The following RPS6KA2 variants were observed in gnomAD, a reference collection of about 807,000 sequenced individuals.
RPS6KA2 encodes the protein ribosomal protein S6 kinase alpha-2.
A neutral mutation model predicts 91.8 loss-of-function variants in RPS6KA2; 42 were observed. The observed-to-expected ratio is 0.46, with a 90% confidence interval of 0.36 to 0.59. The LOEUF is 0.59. RPS6KA2 is among the 20% of genes least tolerant of loss of function. RPS6KA2 has a pLI of 0.00. For missense variants in RPS6KA2, 798 were observed against 978.5 expected (o/e 0.82, Z 2.46); for synonymous variants, 414 against 393.6 (o/e 1.05, Z -0.61).
chr6:166,703,896 G>A (rs1399870522), intron 2 of RPS6KA2, among the ~76,000 whole-genome samples: 1 of 152,098 alleles, frequency 6.6e-6, no homozygotes, highest in Non-Finnish European at 1.5e-5. Context: ...ATATGAAATG[G>A]GACTTACAAT....
intron 2 of RPS6KA2, among the ~76,000 whole-genome samples, chr6:166,693,972 G>A (rs6456103): frequency 0.13 from 19,102 of 152,156 alleles, 2,143 homozygotes; most frequent in African/African-American, 0.3. Context: ...CTTAACGATA[G>A]TTCTCGCCAT....
intron 1 of RPS6KA2, among the ~76,000 whole-genome samples, chr6:166,588,761 C>G (rs1583305286): frequency 6.6e-6 from 1 of 152,338 alleles, no homozygotes; most frequent in East Asian, 1.9e-4. Flanking sequence ...TTCCCGGAAG[C>G]TCAGGGCCCG....
rs1162010961 is a variant in RPS6KA2 at position 166,554,337 on chromosome 6, C to A, written c.100-15553G>T. Among the ~76,000 whole-genome samples the A allele has an allele frequency of 2.6e-5, 4 of 152,216 alleles. No homozygotes were observed. The highest frequency in any genetic ancestry group is 9.6e-5 in the African/African-American group (4 of 41,456). ...TTTCAAGTCTTAAGACTAACATATTCCCAGACTGTCAGGCCAGTTTTATGA... is the reference window on the plus strand; with the variant it reads ...TTTCAAGTCTTAAGACTAACATATTACCAGACTGTCAGGCCAGTTTTATGA... On this transcript the variant is annotated intron_variant, in intron 1 of 20. Transcript: ENST00000265678. The surrounding 1 kb of genome is among the most constrained non-coding windows in gnomAD (Gnocchi z 4.3).
intron 10 of RPS6KA2, among the ~76,000 whole-genome samples, chr6:166,473,940 G>GTTTT (rs5881697): frequency 2.7e-5 from 3 of 112,096 alleles, no homozygotes; most frequent in Non-Finnish European, 3.7e-5. Context: ...TTGTTTAAAG[G>GTTTT]TTTTTTTTTT....
intron 2 of RPS6KA2, among the ~76,000 whole-genome samples, chr6:166,642,392 T>A (rs1787469833): frequency 6.6e-6 from 1 of 152,204 alleles, no homozygotes; most frequent in Non-Finnish European, 1.5e-5. Context: ...ATTGTGTGGG[T>A]AAAGCTAGAC....
At chr6:166,793,088 T>C (rs1394185012) in intron 2 of RPS6KA2, among the ~76,000 whole-genome samples, 5 of 152,082 alleles carry the variant, frequency 3.3e-5, no homozygotes, top group African/African-American at 1.2e-4. Flanking sequence ...GATGACATGA[T>C]TGTATATCTA....
intron 10 of RPS6KA2, among the ~76,000 whole-genome samples, chr6:166,470,191 C>A (rs893860447): frequency 2.0e-5 from 3 of 152,242 alleles, no homozygotes; most frequent in Admixed American, 2.0e-4. Context: ...GTGCTGCCTG[C>A]TGCATGTGAC....
At chr6:166,715,954 C>T (rs1323497099) in intron 2 of RPS6KA2, among the ~76,000 whole-genome samples, 1 of 144,866 alleles carries the variant, frequency 6.9e-6, no homozygotes, top group African/African-American at 2.5e-5. Flanking sequence ...AAAAGAATCG[C>T]TTGAGCCCTG....
chr6:166,643,817 T>A (rs544366127), intron 2 of RPS6KA2, among the ~76,000 whole-genome samples: 1 of 152,248 alleles, frequency 6.6e-6, no homozygotes, highest in Non-Finnish European at 1.5e-5. Context: ...GCTCTTAAGA[T>A]ACTAGGAATT....
chr6:166,655,381 G>A (rs961751309), intron 2 of RPS6KA2, among the ~76,000 whole-genome samples: 9 of 152,216 alleles, frequency 5.9e-5, no homozygotes, highest in East Asian at 1.9e-4. Flanking sequence ...ATTTGCACCC[G>A]GAGTCAGTGA....
intron 1 of RPS6KA2, among the ~76,000 whole-genome samples, chr6:166,541,387 A>T (rs1027038960): frequency 6.6e-6 from 1 of 152,150 alleles, no homozygotes; most frequent in African/African-American, 2.4e-5. Context: ...CTTTTTCTTC[A>T]GCAGCTCTTT....
intron 2 of RPS6KA2, among the ~76,000 whole-genome samples, chr6:166,650,299 A>C (rs1787811523): frequency 6.6e-6 from 1 of 152,102 alleles, no homozygotes; most frequent in Non-Finnish European, 1.5e-5. Flanking sequence ...ATTCTTATTC[A>C]TAGACATTGA....
chr6:166,472,088 A>C (rs1780793264), intron 10 of RPS6KA2, among the ~76,000 whole-genome samples: 1 of 152,160 alleles, frequency 6.6e-6, no homozygotes, highest in Non-Finnish European at 1.5e-5. Context: ...ACGATGATTA[A>C]CAGAAAGACC....
chr6:166,806,669 A>T (rs557927179), intron 2 of RPS6KA2, among the ~76,000 whole-genome samples: 112 of 152,342 alleles, frequency 7.4e-4, no homozygotes, highest in Non-Finnish European at 7.9e-4. Context: ...ACACTAGACA[A>T]TAACTAAAAG....
At chr6:166,791,886 A>C (rs1351698132) in intron 2 of RPS6KA2, among the ~76,000 whole-genome samples, 1 of 152,032 alleles carries the variant, frequency 6.6e-6, no homozygotes, top group Non-Finnish European at 1.5e-5. Flanking sequence ...GGAAATTTAT[A>C]GTACTAAATG....
chr6:166,663,938 C>T (rs1186882485), intron 2 of RPS6KA2, among the ~76,000 whole-genome samples: 1 of 152,234 alleles, frequency 6.6e-6, no homozygotes. Context: ...ACTCCACAAA[C>T]CACTTAGACT....
At chr6:166,560,948 T>C (rs1583280240) in intron 1 of RPS6KA2, among the ~76,000 whole-genome samples, 1 of 147,610 alleles carries the variant, frequency 6.8e-6, no homozygotes, top group Non-Finnish European at 1.5e-5. Context: ...TTTTTTTTTT[T>C]CCCTGAGACT....
intron 2 of RPS6KA2, among the ~76,000 whole-genome samples, chr6:166,754,726 C>T (rs1354880179): frequency 6.6e-6 from 1 of 152,180 alleles, no homozygotes; most frequent in African/African-American, 2.4e-5. Flanking sequence ...AATGTCAAAG[C>T]ATCAGATGCG....
rs1417676943 is a variant in RPS6KA2 at position 166,662,771 on chromosome 6, C to T, written c.124-123987G>A. ...CAAATTCATATGTTGAAGTCCTAAC[C>T]TCTGGTACTTAGACTGTGACTGTGT... On this transcript the variant is annotated intron_variant, in intron 2 of 21. Coordinates refer to the RPS6KA2 transcript ENST00000503859. The surrounding 1 kb of genome is among the most constrained non-coding windows in gnomAD (Gnocchi z 4.3). Among the ~76,000 whole-genome samples, 4 of 152,112 alleles carry T rather than the reference C, an allele frequency of 2.6e-5. No individual in the cohort carries two copies. The highest frequency in any genetic ancestry group is 6.6e-5 in the Admixed American group (1 of 15,258).
Sources: allele counts gnomAD v4.1 joint callset (sites outside exome capture counted in the v4.1 genomes callset), GRCh38; gene constraint gnomAD v4.1.1; non-coding constraint Gnocchi (gnomAD v3.1); transcripts MANE v1.5; gene names NCBI Gene and HGNC (gene_info 2026-07-23, HGNC 2026-07-21).